CDH12: variants seen among roughly 807,000 people sequenced by gnomAD.
CDH12 encodes the protein cadherin 12.
CDH12 carries 41 observed loss-of-function variants against 74.1 expected under a neutral mutation model. That is an observed-to-expected ratio of 0.55 (90% CI 0.43 to 0.72). CDH12 has a LOEUF of 0.72. CDH12 is among the 30% of genes least tolerant of loss of function. The probability of loss-of-function intolerance (pLI) is 0.00; values close to 1 mark genes in which losing one functional copy is unlikely to be tolerated. For synonymous variants in CDH12, 399 were observed against 355.0 expected, an observed-to-expected ratio of 1.12 and a Z score of -1.39; for missense variants, 945 against 977.2, an observed-to-expected ratio of 0.97 and a Z score of 0.44.
chr5:22,313,330 GA>G (rs201567174), intron 3 of CDH12, among the ~76,000 whole-genome samples: 10 of 151,188 alleles, frequency 6.6e-5, no homozygotes, highest in East Asian at 1.9e-4. Context: ...GTCAAATGAG[GA>G]AAAAAAAGGC....
intron 4 of CDH12, among the ~76,000 whole-genome samples, chr5:22,195,382 AAT>A (rs1422430177): frequency 6.6e-6 from 1 of 152,122 alleles, no homozygotes; most frequent in Admixed American, 6.6e-5. Context: ...GAGTGACAAA[AAT>A]TGTCTAAAGC....
chr5:22,317,886 T>C (rs1318537988), intron 3 of CDH12, among the ~76,000 whole-genome samples: 3 of 152,206 alleles, frequency 2.0e-5, no homozygotes, highest in Non-Finnish European at 4.4e-5. Context: ...ACAGCAAGAT[T>C]CACTTGCAAT....
chr5:22,366,655 T>C (rs1741044698), intron 3 of CDH12, among the ~76,000 whole-genome samples: 1 of 152,178 alleles, frequency 6.6e-6, no homozygotes, highest in Admixed American at 6.5e-5. Flanking sequence ...GCATAGTAGT[T>C]TTTGTTACTT....
intron 5 of CDH12, among the ~76,000 whole-genome samples, chr5:22,021,700 GAAT>G (rs1737989897): frequency 6.6e-6 from 1 of 152,096 alleles, no homozygotes; most frequent in African/African-American, 2.4e-5. Flanking sequence ...CATTCAATTG[GAAT>G]AGGGTGAGTT....
chr5:22,339,491 A>C (rs557770877), intron 3 of CDH12, among the ~76,000 whole-genome samples: 1 of 152,334 alleles, frequency 6.6e-6, no homozygotes, highest in East Asian at 1.9e-4. Context: ...TTTTGTTTTA[A>C]AGAAAATTAA....
At chr5:22,819,935 GTGTA>G (rs902109004) in intron 1 of CDH12, among the ~76,000 whole-genome samples, 11 of 145,580 alleles carry the variant, frequency 7.6e-5, no homozygotes, top group East Asian at 5.9e-4. Flanking sequence ...ATAGATGTGT[GTGTA>G]TGTATGTGTG....
chr5:22,320,978 G>T (rs1738852064), intron 3 of CDH12, among the ~76,000 whole-genome samples: 1 of 152,122 alleles, frequency 6.6e-6, no homozygotes, highest in Non-Finnish European at 1.5e-5. Flanking sequence ...ATTCCAAATA[G>T]TCCTATGTTG....
chr5:22,082,383 A>G (rs559187550), intron 4 of CDH12, among the ~76,000 whole-genome samples: 13 of 152,226 alleles, frequency 8.5e-5, no homozygotes, highest in Non-Finnish European at 1.8e-4. Flanking sequence ...TCTTGAACAT[A>G]AGCACTCGAT....
At chr5:22,696,331 A>G (rs1742360208) in intron 1 of CDH12, among the ~76,000 whole-genome samples, 1 of 142,856 alleles carries the variant, frequency 7.0e-6, no homozygotes, top group African/African-American at 2.7e-5. Flanking sequence ...AGATGGCGCC[A>G]CTGCACTCCA....
chr5:22,135,273 A>G, intron 4 of CDH12, among the ~76,000 whole-genome samples: 1 of 151,578 alleles, frequency 6.6e-6, no homozygotes. Context: ...ACCACCTTAG[A>G]GTGTTTTTGT....
intron 6 of CDH12, among the ~76,000 whole-genome samples, chr5:21,947,577 A>G (rs1182548780): frequency 6.6e-6 from 1 of 152,124 alleles, no homozygotes; most frequent in Non-Finnish European, 1.5e-5. Context: ...CTCAAATTGG[A>G]ACTTATGTTT....
chr5:21,822,902 T>C lies in CDH12; in HGVS notation c.815-5770A>G, dbSNP rs569023196. 2.5e-4 allele frequency among the ~76,000 whole-genome samples: 38 copies of C among 152,248 alleles called. 1 individual carries two copies. In the South Asian group the frequency reaches 6.4e-3, roughly 26 times the overall value. ...CTCTGAACAATGAGAAATTTATTCC[T>C]GTAAACTTTTTTCTAGTTCTGAGCA... is the stretch of plus-strand genomic sequence containing the variant. On this transcript the variant is annotated intron_variant, in intron 8 of 14. Coordinates refer to ENST00000382254, the MANE Select transcript of CDH12 (RefSeq NM_004061.5).
intron 6 of CDH12, among the ~76,000 whole-genome samples, chr5:21,941,272 A>G (rs960173875): frequency 6.6e-6 from 1 of 152,192 alleles, no homozygotes; most frequent in Non-Finnish European, 1.5e-5. Flanking sequence ...AAATAACCTA[A>G]CTATCTAAAC....
At chr5:21,904,281 T>C (rs1022134788) in intron 6 of CDH12, among the ~76,000 whole-genome samples, 1 of 152,042 alleles carries the variant, frequency 6.6e-6, no homozygotes, top group African/African-American at 2.4e-5. Context: ...TGAGATATGC[T>C]CCACCAAAAC....
At chr5:22,399,127 AT>A (rs1742595232) in intron 3 of CDH12, among the ~76,000 whole-genome samples, 2 of 152,006 alleles carry the variant, frequency 1.3e-5, no homozygotes, top group South Asian at 4.2e-4. Context: ...TCTATCTTCT[AT>A]TTATCCAATC....
chr5:22,454,664 G>A (rs887801574), intron 2 of CDH12, among the ~76,000 whole-genome samples: 7 of 151,974 alleles, frequency 4.6e-5, no homozygotes, highest in African/African-American at 1.7e-4. Flanking sequence ...TAGTAGGTAC[G>A]GGGTTTCACC....
intron 1 of CDH12, among the ~76,000 whole-genome samples, chr5:22,791,382 A>G (rs1232170706): frequency 1.3e-5 from 2 of 152,248 alleles, no homozygotes; most frequent in Non-Finnish European, 2.9e-5. Context: ...AATTTGGAGC[A>G]CAACCATGAA....
At chr5:22,792,557 A>C (rs1466316974) in intron 1 of CDH12, among the ~76,000 whole-genome samples, 1 of 152,170 alleles carries the variant, frequency 6.6e-6, no homozygotes, top group East Asian at 1.9e-4. Context: ...GCTTTTTGGC[A>C]TACACGTATA....
chr5:22,407,465 A>G (rs571569672), intron 2 of CDH12, among the ~76,000 whole-genome samples: 2 of 152,196 alleles, frequency 1.3e-5, no homozygotes, highest in East Asian at 3.9e-4. Context: ...TTAAGTTACT[A>G]ATCTTCCCCA....
Sources: gnomAD v4.1 joint callset for allele counts (sites outside exome capture counted in the v4.1 genomes callset) on GRCh38, gnomAD v4.1.1 for gene constraint, MANE v1.5 for transcripts, NCBI Gene and HGNC (gene_info 2026-07-23, HGNC 2026-07-21) for gene names.